Variants in TAOK1 observed in about 807,000 individuals in gnomAD.
TAOK1 encodes the protein serine/threonine-protein kinase TAO1.
In TAOK1, 21 loss-of-function variants were observed where a neutral mutation model predicts 138.3. The observed-to-expected ratio is 0.15, with a 90% CI of 0.11 to 0.22. TAOK1 has a LOEUF of 0.22. TAOK1 is among the 10% of genes least tolerant of loss of function. The pLI is 1.00. For synonymous variants in TAOK1, 361 were observed against 398.4 expected, an observed-to-expected ratio of 0.91 and a Z score of 1.12; for missense variants, 651 against 1,227.7, an observed-to-expected ratio of 0.53 and a Z score of 7.02.
chr17:29,527,630 C>G (rs538190290), intron 17 of TAOK1, among the ~76,000 whole-genome samples: 6 of 152,264 alleles, frequency 3.9e-5, no homozygotes, highest in African/African-American at 1.4e-4. Context: ...GAGGGGAGTA[C>G]TTTCTCTTAG....
intron 7 of TAOK1, 39 bp from the exon 8 acceptor site, chr17:29,482,158 T>TA (rs563790244): frequency 8.6e-4 from 1,282 of 1,486,550 alleles, no homozygotes; most frequent in Middle Eastern, 1.2e-3. Flanking sequence ...GAATACTTTT[T>TA]AAAAAAAATC....
At chr17:29,452,516 CTT>C (rs1369379979) in intron 2 of TAOK1, among the ~76,000 whole-genome samples, 1 of 152,096 alleles carries the variant, frequency 6.6e-6, no homozygotes, top group African/African-American at 2.4e-5. Context: ...ATTAAAAAAA[CTT>C]ATCAAATTTG....
At chr17:29,486,746 T>C (rs1381310307) in intron 8 of TAOK1, among the ~76,000 whole-genome samples, 1 of 152,240 alleles carries the variant, frequency 6.6e-6, no homozygotes, top group East Asian at 1.9e-4. Context: ...TTGAGAGATT[T>C]TTAATTTAAT....
At chr17:29,477,738 A>G in intron 5 of TAOK1, 32 bp downstream of exon 5, 1 of 1,281,584 alleles carries the variant, frequency 7.8e-7, no homozygotes, top group Non-Finnish European at 1.0e-6. Flanking sequence ...TTTAAAAAGT[A>G]TTCACAGAAT....
At chr17:29,413,643 C>T (rs951553170) in intron 1 of TAOK1, among the ~76,000 whole-genome samples, 1 of 152,052 alleles carries the variant, frequency 6.6e-6, no homozygotes, top group Non-Finnish European at 1.5e-5. Context: ...GTAAACAGTT[C>T]AGTGGCATTT....
chr17:29,429,277 A>G (rs1315964311), intron 1 of TAOK1, among the ~76,000 whole-genome samples: 4 of 152,036 alleles, frequency 2.6e-5, no homozygotes, highest in South Asian at 2.1e-4. Flanking sequence ...CCTTTCATCT[A>G]CTTTCCTCTG....
At chr17:29,439,199 CTTT>C (rs34102989) in intron 1 of TAOK1, among the ~76,000 whole-genome samples, 15 of 130,772 alleles carry the variant, frequency 1.1e-4, no homozygotes, top group Non-Finnish European at 1.3e-4. Context: ...TAATTTCTTT[CTTT>C]TTTTTTTTTT....
chr17:29,450,623 C>T (rs1014308183), intron 1 of TAOK1, among the ~76,000 whole-genome samples: 5 of 152,116 alleles, frequency 3.3e-5, no homozygotes, highest in Admixed American at 6.6e-5. Flanking sequence ...GTGATCCTTC[C>T]GCCTTAGCCG....
chr17:29,551,704 C>G lies in TAOK1; in HGVS notation c.*8682C>G, dbSNP rs1037315021. On this transcript the variant is annotated 3_prime_UTR_variant, in exon 20 of 20. Transcript: ENST00000261716. ...TATTGTACAGTATATTGTCAGTATT[C>G]TTCTGGTTCAGCATACCTTATAGTT... is the stretch of plus-strand genomic sequence containing the variant. 2 of 152,544 alleles carry G rather than the reference C, an allele frequency of 1.3e-5. No individual in the cohort carries two copies. Among genetic ancestry groups the G allele is most frequent in the African/African-American group, 4.8e-5 (2 of 41,398 alleles). 9.4% of individuals were successfully genotyped at this position (152,544 alleles called of 1,614,324 possible). A position where few individuals can be genotyped will look rare whatever the true frequency, so the allele number is the denominator to read the frequency against.
At chr17:29,425,609 A>G (rs1372373792) in intron 1 of TAOK1, among the ~76,000 whole-genome samples, 3 of 152,028 alleles carry the variant, frequency 2.0e-5, no homozygotes, top group Non-Finnish European at 4.4e-5. Context: ...AGCCTGGGAG[A>G]GCTGAGATTA....
At chr17:29,468,486 A>T (rs1395749545) in intron 3 of TAOK1, among the ~76,000 whole-genome samples, 1 of 151,806 alleles carries the variant, frequency 6.6e-6, no homozygotes, top group Admixed American at 6.6e-5. Flanking sequence ...TCTTGGAAAG[A>T]TTATCAGTTT....
intron 1 of TAOK1, among the ~76,000 whole-genome samples, chr17:29,420,794 A>C (rs1263345757): frequency 1.3e-5 from 2 of 151,888 alleles, no homozygotes; most frequent in Non-Finnish European, 2.9e-5. Flanking sequence ...CATGTTGGCC[A>C]GGCTGGTCCT....
At chr17:29,445,449 A>C (rs1191773193) in intron 1 of TAOK1, 1 of 152,272 alleles carries the variant, frequency 6.6e-6, no homozygotes, top group African/African-American at 2.4e-5. Flanking sequence ...GTCTTCAAGC[A>C]TTAAGTATGA....
At chr17:29,413,830 A>G (rs933180759) in intron 1 of TAOK1, among the ~76,000 whole-genome samples, 1 of 149,610 alleles carries the variant, frequency 6.7e-6, no homozygotes, top group Non-Finnish European at 1.5e-5. Flanking sequence ...CCTATTCTGG[A>G]TACTTCATAA....
At chr17:29,503,681 A>G (rs2031574582) in intron 13 of TAOK1, among the ~76,000 whole-genome samples, 1 of 152,150 alleles carries the variant, frequency 6.6e-6, no homozygotes, top group Admixed American at 6.6e-5. Flanking sequence ...CTATTAGAAA[A>G]CATAATGTAA....
chr17:29,441,350 A>T (rs1427159097), intron 1 of TAOK1, among the ~76,000 whole-genome samples: 1 of 152,176 alleles, frequency 6.6e-6, no homozygotes, highest in Non-Finnish European at 1.5e-5. Flanking sequence ...TCTTTAAAAA[A>T]ATTGTAGAAG....
intron 1 of TAOK1, among the ~76,000 whole-genome samples, chr17:29,398,067 A>G (rs760810010): frequency 2.0e-5 from 3 of 151,970 alleles, no homozygotes; most frequent in East Asian, 1.9e-4. Context: ...CGGGGTCTCT[A>G]TGTTGCCCAA....
At chr17:29,488,688 A>G (rs1016974175) in intron 8 of TAOK1, among the ~76,000 whole-genome samples, 1 of 151,940 alleles carries the variant, frequency 6.6e-6, no homozygotes, top group African/African-American at 2.4e-5. Flanking sequence ...CGGTTGGTTC[A>G]GTCTGTGGAT....
At chr17:29,391,910 C>T (rs184229834) in intron 1 of TAOK1, among the ~76,000 whole-genome samples, 1 of 152,296 alleles carries the variant, frequency 6.6e-6, no homozygotes, top group Non-Finnish European at 1.5e-5. Context: ...TTTTCTATGA[C>T]TTTTGTAGTT....
Sources: gnomAD v4.1 joint callset for allele counts (sites outside exome capture counted in the v4.1 genomes callset) on GRCh38, gnomAD v4.1.1 for gene constraint, MANE v1.5 for transcripts, NCBI Gene and HGNC (gene_info 2026-07-23, HGNC 2026-07-21) for gene names.